Variants in MGAT4C observed in about 807,000 individuals in gnomAD.
MGAT4C encodes the protein MGAT4 family member C, also known as alpha-1,3-mannosyl-glycoprotein 4-beta-N-acetylglucosaminyltransferase C.
In MGAT4C, 19 loss-of-function variants were observed where a neutral mutation model predicts 40.1. That is an observed-to-expected ratio of 0.47 (90% CI 0.33 to 0.70). The LOEUF (loss-of-function observed/expected upper bound fraction) is 0.70, where lower values mean the gene tolerates loss of function less well. Among genes scored for constraint, MGAT4C ranks in the 30% least tolerant of loss-of-function variants. MGAT4C has a pLI of 0.02. For missense variants in MGAT4C, 491 were observed against 563.2 expected, an observed-to-expected ratio of 0.87 and a Z score of 1.30; for synonymous variants, 181 against 187.1, an observed-to-expected ratio of 0.97 and a Z score of 0.27.
intron 1 of MGAT4C, among the ~76,000 whole-genome samples, chr12:86,759,179 G>A (rs1951357714): frequency 6.6e-6 from 1 of 151,868 alleles, no homozygotes; most frequent in Non-Finnish European, 1.5e-5. Flanking sequence ...AACATAAATG[G>A]CCCTCAGCTT....
Position 86,456,568 on chromosome 12 carries a change from T to G in MGAT4C, c.-228-21303A>C, listed in dbSNP as rs112016122. ...GCATTGAGTTCTGATATTTTAAGAG[T>G]TTTTTCATTATAGAATATAATCTGA... On this transcript the variant is annotated intron_variant, in intron 2 of 7. Coordinates refer to the MGAT4C transcript ENST00000548651. Among the ~76,000 whole-genome samples the G allele has an allele frequency of 6.7e-3, 1,020 of 151,890 alleles. 11 individuals are homozygous for G. Among genetic ancestry groups the G allele is most frequent in the African/African-American group, 0.023 (973 of 41,408 alleles).
chr12:86,324,238 T>A (rs571760934), intron 4 of MGAT4C, among the ~76,000 whole-genome samples: 1 of 152,066 alleles, frequency 6.6e-6, no homozygotes, highest in South Asian at 2.1e-4. Context: ...CAGATTCTCA[T>A]GGGTGGTAAA....
intron 4 of MGAT4C, among the ~76,000 whole-genome samples, chr12:86,292,617 T>C (rs943974437): frequency 2.0e-5 from 3 of 152,152 alleles, no homozygotes; most frequent in Non-Finnish European, 4.4e-5. Context: ...TCATAGGTAA[T>C]GTGATGTCTT....
intron 2 of MGAT4C, among the ~76,000 whole-genome samples, chr12:86,488,297 A>G (rs111370543): frequency 0.1 from 15,546 of 151,216 alleles, 1,021 homozygotes; most frequent in Middle Eastern, 0.24. Flanking sequence ...ATGGTGGCAC[A>G]TGCCTATAGT....
chr12:86,597,134 C>G (rs1023104481), intron 2 of MGAT4C, among the ~76,000 whole-genome samples: 1 of 152,172 alleles, frequency 6.6e-6, no homozygotes, highest in Non-Finnish European at 1.5e-5. Flanking sequence ...ATACAGTGGA[C>G]AGCAGTCCTA....
intron 2 of MGAT4C, among the ~76,000 whole-genome samples, chr12:85,995,748 G>A (rs1283136365): frequency 1.3e-5 from 2 of 152,066 alleles, no homozygotes; most frequent in African/African-American, 4.8e-5. Flanking sequence ...TACATCTGTA[G>A]TCCCAGCTAC....
At chr12:86,030,729 CA>C (rs1281505892) in intron 2 of MGAT4C, among the ~76,000 whole-genome samples, 1 of 151,546 alleles carries the variant, frequency 6.6e-6, no homozygotes, top group Non-Finnish European at 1.5e-5. Flanking sequence ...TTAAATTATG[CA>C]AAATGGGCTA....
chr12:86,478,584 T>A (rs1265059935), intron 2 of MGAT4C, among the ~76,000 whole-genome samples: 2 of 152,156 alleles, frequency 1.3e-5, no homozygotes, highest in African/African-American at 2.4e-5. Context: ...AATTTTAAAA[T>A]TCAGGTTTTT....
chr12:85,982,172 T>C (rs1884670715), intron 4 of MGAT4C, among the ~76,000 whole-genome samples: 1 of 152,104 alleles, frequency 6.6e-6, no homozygotes, highest in Non-Finnish European at 1.5e-5. Flanking sequence ...GATTCATGGT[T>C]TTTTTGTTTT....
intron 1 of MGAT4C, among the ~76,000 whole-genome samples, chr12:86,059,840 C>T (rs533809562): frequency 6.6e-6 from 1 of 152,094 alleles, no homozygotes; most frequent in South Asian, 2.1e-4. Context: ...ACTCTAACAC[C>T]GTGTAAGATA....
At chr12:86,321,652 T>A (rs1954390950) in intron 4 of MGAT4C, among the ~76,000 whole-genome samples, 3 of 152,194 alleles carry the variant, frequency 2.0e-5, no homozygotes, top group Admixed American at 2.0e-4. Flanking sequence ...TATACTTTTT[T>A]AAAAATCAGA....
chr12:86,492,138 A>G (rs1403506414), intron 2 of MGAT4C, among the ~76,000 whole-genome samples: 2 of 152,162 alleles, frequency 1.3e-5, no homozygotes, highest in Admixed American at 6.5e-5. Context: ...TGCTCAATGA[A>G]ATAAAAGACT....
chr12:86,384,473 G>T (rs925668421), intron 3 of MGAT4C, among the ~76,000 whole-genome samples: 1 of 152,130 alleles, frequency 6.6e-6, no homozygotes, highest in Non-Finnish European at 1.5e-5. Context: ...TTGGGATTAT[G>T]ATCCCAGCCC....
chr12:86,001,156 A>T (rs1483322524), intron 2 of MGAT4C, among the ~76,000 whole-genome samples: 1 of 152,146 alleles, frequency 6.6e-6, no homozygotes, highest in African/African-American at 2.4e-5. Context: ...CAGGTAATAT[A>T]TGATCACCCT....
At chr12:86,001,610 G>A (rs1887306728) in intron 2 of MGAT4C, 1 of 982,104 alleles carries the variant, frequency 1.0e-6, no homozygotes, top group East Asian at 1.1e-4. Flanking sequence ...GGCTGAGAGA[G>A]CCTGAGTACA....
intron 1 of MGAT4C, among the ~76,000 whole-genome samples, chr12:86,781,826 C>T (rs1951845896): frequency 6.6e-6 from 1 of 151,982 alleles, no homozygotes; most frequent in Non-Finnish European, 1.5e-5. Context: ...TTGTGGATGC[C>T]TTAACCTAAA....
rs1957363763 is a variant in MGAT4C, at chr12:86,447,731, A to G, written c.-228-12466T>C. Among the ~76,000 whole-genome samples, 5 of 152,338 alleles carry G rather than the reference A, an allele frequency of 3.3e-5. No homozygotes were observed. In the South Asian group the frequency reaches 1.0e-3, roughly 32 times the overall value. On this transcript the variant is annotated intron_variant, in intron 2 of 7. Coordinates refer to the MGAT4C transcript ENST00000548651. ...TATATAGACCAAATACAAGTTGAACAATAGTATAGCTATAGATGCAAATAT... is the reference window on the plus strand; with the variant it reads ...TATATAGACCAAATACAAGTTGAACGATAGTATAGCTATAGATGCAAATAT...
At chr12:86,586,183 G>A (rs1199218374) in intron 2 of MGAT4C, among the ~76,000 whole-genome samples, 1 of 138,290 alleles carries the variant, frequency 7.2e-6, no homozygotes, top group Non-Finnish European at 1.5e-5. Context: ...TCCCACCTAT[G>A]AGTGAGAATA....
At chr12:86,163,645 T>C (rs1175623228) in intron 1 of MGAT4C, among the ~76,000 whole-genome samples, 1 of 152,188 alleles carries the variant, frequency 6.6e-6, no homozygotes, top group Non-Finnish European at 1.5e-5. Flanking sequence ...TAAATAAAAT[T>C]ACTGCTTTAA....
Sources: allele counts gnomAD v4.1 joint callset (sites outside exome capture counted in the v4.1 genomes callset), GRCh38; gene constraint gnomAD v4.1.1; transcripts MANE v1.5; gene names NCBI Gene and HGNC (gene_info 2026-07-23, HGNC 2026-07-21).